Variants in MAN1A2 observed in about 807,000 individuals in gnomAD.
The protein encoded by MAN1A2 is mannosidase alpha class 1A member 2.
In MAN1A2, 26 loss-of-function variants were observed where a neutral mutation model predicts 75.7. The ratio of observed to expected loss-of-function variants is 0.34; its 90% CI spans 0.25 to 0.48. The LOEUF is 0.48. Among genes scored for constraint, MAN1A2 ranks in the 20% least tolerant of loss-of-function variants. The pLI is 0.99. For synonymous variants in MAN1A2, 247 were observed against 264.6 expected (o/e 0.93, Z 0.65); for missense variants, 562 against 775.5 (o/e 0.72, Z 3.27).
chr1:117,477,934 G>A (rs560822159), intron 8 of MAN1A2, among the ~76,000 whole-genome samples: 1 of 152,172 alleles, frequency 6.6e-6, no homozygotes, highest in East Asian at 2.0e-4. Flanking sequence ...CTTCAGCAAA[G>A]TCTCAGGATA....
intron 12 of MAN1A2, among the ~76,000 whole-genome samples, chr1:117,521,372 A>T (rs1280225928): frequency 6.6e-6 from 1 of 152,030 alleles, no homozygotes; most frequent in Non-Finnish European, 1.5e-5. Flanking sequence ...GTGAACAGAC[A>T]ACCCACAGAG....
At chr1:117,440,695 G>C (rs1253045647) in intron 5 of MAN1A2, among the ~76,000 whole-genome samples, 1 of 151,918 alleles carries the variant, frequency 6.6e-6, no homozygotes, top group Non-Finnish European at 1.5e-5. Flanking sequence ...GTTTATTCTG[G>C]AAGTGAATTG....
chr1:117,514,908 C>T (rs368993439), intron 12 of MAN1A2: 1 of 532,734 alleles, frequency 1.9e-6, no homozygotes, highest in Non-Finnish European at 3.9e-6. Context: ...AGCATCAAGT[C>T]CCCTATTCTG....
chr1:117,428,784 C>CT (rs780515731), intron 5 of MAN1A2, among the ~76,000 whole-genome samples: 11,126 of 109,896 alleles, frequency 0.1, 406 homozygotes, highest in South Asian at 0.17. Context: ...GGAGACCTTT[C>CT]TTTTTTTTTT....
intron 5 of MAN1A2, among the ~76,000 whole-genome samples, chr1:117,437,184 A>G (rs895821922): frequency 6.6e-6 from 1 of 152,192 alleles, no homozygotes; most frequent in South Asian, 2.1e-4. Context: ...ATGAAAATAG[A>G]TTGAGAGGTT....
chr1:117,460,270 G>A (rs896268517), intron 6 of MAN1A2, among the ~76,000 whole-genome samples: 4 of 151,962 alleles, frequency 2.6e-5, no homozygotes, highest in African/African-American at 7.3e-5. Context: ...GATGAGAATG[G>A]GTGAAATGTA....
rs564342218 is a variant in MAN1A2, at chr1:117,382,312, TA to T, written c.302+13828del. ...TTTTCTTCTAGGGTTTTTATGGTTT[TA>T]GGTCTAACATTTAAGTCTTTAATCC... On this transcript the variant is annotated intron_variant, in intron 1 of 12. Coordinates refer to ENST00000356554, the MANE Select transcript of MAN1A2 (RefSeq NM_006699.5). Among the ~76,000 whole-genome samples, 109 of 152,336 alleles carry T rather than the reference TA, an allele frequency of 7.2e-4. 1 individual carries two copies. The highest frequency in any genetic ancestry group is 2.6e-3 in the African/African-American group (108 of 41,574).
At chr1:117,427,798 C>T (rs1350682509) in intron 5 of MAN1A2, among the ~76,000 whole-genome samples, 1 of 152,144 alleles carries the variant, frequency 6.6e-6, no homozygotes, top group East Asian at 1.9e-4. Context: ...TCAGAAACCA[C>T]AGAGATTACT....
intron 7 of MAN1A2, among the ~76,000 whole-genome samples, chr1:117,466,121 T>A (rs1649971621): frequency 6.6e-6 from 1 of 152,130 alleles, no homozygotes; most frequent in Non-Finnish European, 1.5e-5. Context: ...TATTATTGCT[T>A]GATTTTAAAA....
At chr1:117,368,908 TG>T (rs1345917284) in intron 1 of MAN1A2, among the ~76,000 whole-genome samples, 2 of 152,200 alleles carry the variant, frequency 1.3e-5, no homozygotes, top group Non-Finnish European at 2.9e-5. Flanking sequence ...ACAGCTCTTT[TG>T]GGTGTGCTCT....
At chr1:117,434,261 C>T (rs1648775508) in intron 5 of MAN1A2, among the ~76,000 whole-genome samples, 1 of 152,166 alleles carries the variant, frequency 6.6e-6, no homozygotes. Context: ...CTTCCACATT[C>T]TTTGCCTGGT....
At chr1:117,504,827 T>A (rs1051478886) in intron 12 of MAN1A2, among the ~76,000 whole-genome samples, 2 of 151,376 alleles carry the variant, frequency 1.3e-5, no homozygotes, top group East Asian at 3.9e-4. Context: ...CCATTTTAGA[T>A]TTTTTTCTAA....
intron 5 of MAN1A2, among the ~76,000 whole-genome samples, chr1:117,431,477 T>C (rs925033864): frequency 6.6e-6 from 1 of 152,110 alleles, no homozygotes; most frequent in Non-Finnish European, 1.5e-5. Flanking sequence ...TCAAAGATGA[T>C]GTAGAAGTCC....
chr1:117,384,241 T>C (rs1653446818), intron 1 of MAN1A2, among the ~76,000 whole-genome samples: 1 of 152,186 alleles, frequency 6.6e-6, no homozygotes, highest in Admixed American at 6.5e-5. Context: ...CTTTTAAATG[T>C]AGGTATTTAC....
chr1:117,504,515 A>C (rs1349332862), intron 12 of MAN1A2, among the ~76,000 whole-genome samples: 3 of 151,238 alleles, frequency 2.0e-5, no homozygotes, highest in African/African-American at 7.3e-5. Flanking sequence ...AGTAGGTTTC[A>C]AGAAAAGGTC....
chr1:117,382,819 G>A (rs1241963121), intron 1 of MAN1A2, among the ~76,000 whole-genome samples: 3 of 152,122 alleles, frequency 2.0e-5, no homozygotes, highest in East Asian at 1.9e-4. Context: ...CATGAGCATG[G>A]AATGTTCTTC....
intron 6 of MAN1A2, among the ~76,000 whole-genome samples, chr1:117,456,295 G>A (rs1250027852): frequency 1.3e-5 from 2 of 151,918 alleles, no homozygotes; most frequent in Non-Finnish European, 2.9e-5. Context: ...AATATTTACA[G>A]TATATTAAAA....
chr1:117,460,186 C>A (rs986125671), intron 6 of MAN1A2, among the ~76,000 whole-genome samples: 1 of 151,976 alleles, frequency 6.6e-6, no homozygotes, highest in African/African-American at 2.4e-5. Flanking sequence ...CCTACATTTG[C>A]ATAAAACATT....
chr1:117,511,345 G>A (rs187738548), intron 12 of MAN1A2, among the ~76,000 whole-genome samples: 1 of 152,092 alleles, frequency 6.6e-6, no homozygotes, highest in East Asian at 1.9e-4. Context: ...GGTGTGTGGT[G>A]TTCTTGTTTG....
Sources: allele counts gnomAD v4.1 joint callset (sites outside exome capture counted in the v4.1 genomes callset), GRCh38; gene constraint gnomAD v4.1.1; transcripts MANE v1.5; gene names NCBI Gene and HGNC (gene_info 2026-07-23, HGNC 2026-07-21).